The following FRS2 variants were observed in gnomAD, a reference collection of about 807,000 sequenced individuals.
FRS2 encodes FGFR signalling adaptor.
Under a neutral mutation model 43.9 loss-of-function variants are expected in FRS2, and 8 were observed. The observed-to-expected ratio is 0.18, with a 90% confidence interval of 0.11 to 0.33. The LOEUF (loss-of-function observed/expected upper bound fraction) is 0.33, where lower values mean the gene tolerates loss of function less well. Among genes scored for constraint, FRS2 ranks in the 10% least tolerant of loss-of-function variants. The pLI is 1.00. For missense variants in FRS2, 534 were observed against 627.6 expected, an observed-to-expected ratio of 0.85 and a Z score of 1.59; for synonymous variants, 219 against 220.3, an observed-to-expected ratio of 0.99 and a Z score of 0.05.
At position 69,569,070 on chromosome 12, in the gene FRS2, C is replaced by T. The variant is rs1217704464; in HGVS notation, c.40C>T (p.Pro14Ser). ...CCSCPDKDTV[P>S]DNHRNKFKVI... The stretch of plus-strand genomic sequence containing the variant: ...TAGCTGTCCAGATAAAGACACTGTC[C>T]CAGATAACCATCGGAACAAGTTTAA... Residue 14 changes from proline to serine, a missense_variant, in exon 5 of 9, where the codon CCA becomes TCA. By Grantham distance (74) the Pro-to-Ser change is moderately conservative. This residue lies in a region of FRS2 where 76 missense variants were observed against 90.5 expected (regional missense o/e 0.84). Transcript: ENST00000549921. The T allele has an allele frequency of 1.9e-6, 3 of 1,611,304 alleles. No homozygotes were observed. Among genetic ancestry groups the T allele is most frequent in the Non-Finnish European group, 2.5e-6 (3 of 1,178,046 alleles).
At chr12:69,524,103 A>G (rs1278660853) in intron 1 of FRS2, among the ~76,000 whole-genome samples, 2 of 152,166 alleles carry the variant, frequency 1.3e-5, no homozygotes, top group African/African-American at 2.4e-5. Flanking sequence ...TGCAAGGAAT[A>G]GAATTGGGCA....
chr12:69,528,906 C>T (rs1749069397), intron 1 of FRS2, among the ~76,000 whole-genome samples: 1 of 151,982 alleles, frequency 6.6e-6, no homozygotes, highest in African/African-American at 2.4e-5. Context: ...GTCCTGAGAT[C>T]CTGAAGTGAG....
intron 1 of FRS2, among the ~76,000 whole-genome samples, chr12:69,516,514 G>A (rs902779383): frequency 5.9e-5 from 9 of 152,228 alleles, no homozygotes; most frequent in Admixed American, 5.9e-4. Context: ...CACTGCGCCC[G>A]GCCAAAAGTG....
chr12:69,471,876 C>T (rs1056410884), intron 1 of FRS2, among the ~76,000 whole-genome samples: 3 of 152,166 alleles, frequency 2.0e-5, no homozygotes, highest in African/African-American at 4.8e-5. Context: ...TTATGTCATT[C>T]TCTTTCCTCC....
chr12:69,539,414 T>C (rs1258607821), intron 3 of FRS2, among the ~76,000 whole-genome samples: 1 of 152,146 alleles, frequency 6.6e-6, no homozygotes, highest in East Asian at 1.9e-4. Flanking sequence ...TATTTGCATA[T>C]ACATAATGAG....
chr12:69,500,663 C>T (rs1489570114), intron 1 of FRS2, among the ~76,000 whole-genome samples: 3 of 152,062 alleles, frequency 2.0e-5, no homozygotes, highest in Non-Finnish European at 2.9e-5. Context: ...CAGGCTTAAA[C>T]GTGAATTAGA....
At chr12:69,511,668 A>G (rs1187587129) in intron 1 of FRS2, among the ~76,000 whole-genome samples, 3 of 152,138 alleles carry the variant, frequency 2.0e-5, no homozygotes, top group Non-Finnish European at 2.9e-5. Flanking sequence ...TTACAAAGGA[A>G]TGGTAAACTG....
rs759339595 is a variant in FRS2, at chr12:69,574,066, A to G, written c.638A>G (p.His213Arg). ...GAGCGGAAAAACCGCACAAGTGTGC[A>G]TGTTCCATTGGAGGCGAGGGTTTCT... ...QEERKNRTSV[H>R]VPLEARVSNA... The change falls in exon 9 of 9, where the codon CAT becomes CGT. Residue 213 changes from histidine (H) to arginine (R), a missense_variant. By Grantham distance (29) the His-to-Arg change is conservative (BLOSUM62 0). Coordinates refer to ENST00000549921, the MANE Select transcript of FRS2 (RefSeq NM_001278356.2). 3.1e-6 allele frequency: 5 copies of G among 1,614,258 alleles called. No individual in the cohort carries two copies. The highest frequency in any genetic ancestry group is 1.7e-5 in the Admixed American group (1 of 60,034).
chr12:69,553,176 A>T (rs1426374973), intron 3 of FRS2, among the ~76,000 whole-genome samples: 1 of 151,992 alleles, frequency 6.6e-6, no homozygotes, highest in East Asian at 1.9e-4. Context: ...GGTACACAAG[A>T]TTCTCCTGCC....
chr12:69,556,325 T>TTTTCTTTC lies in FRS2; in HGVS notation c.-121-5839_-121-5832dup, dbSNP rs147195769. On this transcript the variant is annotated intron_variant, in intron 3 of 8. Coordinates refer to ENST00000549921, the MANE Select transcript of FRS2 (RefSeq NM_001278356.2). ...TTTTGAAAAATATCTTTTAATTTAC[T>TTTTCTTTC]TTTCTTTCTTTCTTTCTTTCTTTTT... Among the ~76,000 whole-genome samples the TTTTCTTTC allele has an allele frequency of 1.8e-3, 273 of 150,728 alleles. 3 individuals are homozygous for TTTTCTTTC. The highest frequency in any genetic ancestry group is 0.013 in the Admixed American group (198 of 15,084).
chr12:69,499,993 T>G (rs1011449199), intron 1 of FRS2, among the ~76,000 whole-genome samples: 4 of 152,180 alleles, frequency 2.6e-5, no homozygotes, highest in African/African-American at 7.2e-5. Context: ...TTGAGGGCCA[T>G]TCCAAGATTC....
At chr12:69,550,952 GA>G (rs1282124332) in intron 3 of FRS2, among the ~76,000 whole-genome samples, 1 of 152,104 alleles carries the variant, frequency 6.6e-6, no homozygotes, top group African/African-American at 2.4e-5. Flanking sequence ...CAGTATTGGT[GA>G]AGAAACATTT....
chr12:69,481,963 C>G (rs1417734235), intron 1 of FRS2, among the ~76,000 whole-genome samples: 1 of 150,636 alleles, frequency 6.6e-6, no homozygotes, highest in Non-Finnish European at 1.5e-5. Context: ...TTGTAACAAG[C>G]AGTCTGCTTA....
chr12:69,549,313 A>C (rs1166179870), intron 3 of FRS2, among the ~76,000 whole-genome samples: 2 of 152,298 alleles, frequency 1.3e-5, no homozygotes, highest in East Asian at 3.9e-4. Flanking sequence ...ATAACTTCAG[A>C]AATAATAACT....
chr12:69,556,565 A>T (rs1565772154), intron 3 of FRS2, among the ~76,000 whole-genome samples: 1 of 151,826 alleles, frequency 6.6e-6, no homozygotes, highest in Non-Finnish European at 1.5e-5. Flanking sequence ...ACCTCAAGTG[A>T]TCTGCCTGCC....
chr12:69,488,372 A>G (rs1413715514), intron 1 of FRS2, among the ~76,000 whole-genome samples: 1 of 152,234 alleles, frequency 6.6e-6, no homozygotes, highest in Non-Finnish European at 1.5e-5. Flanking sequence ...ACTAGCAAAA[A>G]GATGACCACT....
intron 4 of FRS2, among the ~76,000 whole-genome samples, chr12:69,563,384 T>C (rs745315278): frequency 1.7e-4 from 26 of 152,252 alleles, no homozygotes; most frequent in Admixed American, 3.3e-4. Context: ...ATGCTAAGCC[T>C]GTTCTTTAGC....
chr12:69,552,679 G>A lies in FRS2; in HGVS notation c.-121-9501G>A, dbSNP rs139586234. ...GGAGGCTGAGGTGGGCAGATCTGAG[G>A]TCAGGAGTTCAAGACCAGCCTGGAC... On this transcript the variant is annotated intron_variant, in intron 3 of 8. Coordinates refer to ENST00000549921, the MANE Select transcript of FRS2 (RefSeq NM_001278356.2). Among the ~76,000 whole-genome samples, 516 of 152,256 alleles carry A rather than the reference G, an allele frequency of 3.4e-3. 4 individuals carry two copies. The highest frequency in any genetic ancestry group is 0.012 in the African/African-American group (482 of 41,550).
chr12:69,491,464 T>A (rs1872478393), intron 1 of FRS2: 1 of 150,988 alleles, frequency 6.6e-6, no homozygotes, highest in South Asian at 2.1e-4. Context: ...CCTTTTTTGG[T>A]GGACATTAAG....
Sources: allele counts gnomAD v4.1 joint callset (sites outside exome capture counted in the v4.1 genomes callset), GRCh38; gene constraint gnomAD v4.1.1; regional missense constraint gnomAD v4.1.1; transcripts MANE v1.5; gene names NCBI Gene and HGNC (gene_info 2026-07-23, HGNC 2026-07-21).